CA4: variants seen among roughly 807,000 people sequenced by gnomAD.
CA4 encodes the protein carbonic anhydrase 4.
A neutral mutation model predicts 34.5 loss-of-function variants in CA4; 24 were observed. The observed-to-expected ratio is 0.70, with a 90% CI of 0.50 to 0.98. The LOEUF (loss-of-function observed/expected upper bound fraction) is 0.98, where lower values mean the gene tolerates loss of function less well. Ranked by LOEUF, CA4 falls within the 50% of genes least tolerant of loss-of-function variation. The pLI is 0.00. For missense variants in CA4, 394 were observed against 396.7 expected (o/e 0.99, Z 0.06); for synonymous variants, 178 against 170.6 (o/e 1.04, Z -0.34).
At chr17:60,168,796 C>T (rs1225786504) in intron 5 of CA4, among the ~76,000 whole-genome samples, 2 of 152,138 alleles carry the variant, frequency 1.3e-5, no homozygotes, top group African/African-American at 4.8e-5. Flanking sequence ...TTGAAGAGCA[C>T]ACTTGAGATA....
At chr17:60,152,054 G>A (rs117035168) in intron 1 of CA4, among the ~76,000 whole-genome samples, 1,664 of 152,236 alleles carry the variant, frequency 0.011, 14 homozygotes, top group Non-Finnish European at 0.017. Flanking sequence ...TTGAAATAAG[G>A]GGGAGGGGTG....
At chr17:60,157,903 C>A (rs2083720681) in intron 5 of CA4, 115 bp downstream of exon 5, 1 of 1,522,072 alleles carries the variant, frequency 6.6e-7, no homozygotes, top group South Asian at 1.2e-5. Flanking sequence ...CCAACTTCCG[C>A]CTCTGTTTCT....
chr17:60,163,179 G>A (rs528825090), downstream of CA4, among the ~76,000 whole-genome samples: 2 of 149,614 alleles, frequency 1.3e-5, no homozygotes, highest in South Asian at 2.1e-4. Flanking sequence ...AGGGTCTACA[G>A]GGGGCCCAGA....
At position 60,154,256 on chromosome 17, in the gene CA4, G is replaced by T. The variant is rs183493330; in HGVS notation, c.59-1058G>T. Among the ~76,000 whole-genome samples the T allele has an allele frequency of 2.8e-3, 422 of 150,920 alleles. 2 individuals are homozygous for T. The highest frequency in any genetic ancestry group is 8.4e-3 in the African/African-American group (344 of 40,970). The stretch of plus-strand genomic sequence containing the variant: ...AGGCCATGGGGTGGGTGGGAGGGGT[G>T]GGGGGGAGGGAAGGAGTTGTCGATG... On this transcript the variant is annotated intron_variant, in intron 1 of 7. Transcript: ENST00000300900.
intron 5 of CA4, among the ~76,000 whole-genome samples, chr17:60,167,052 T>C (rs73320955): frequency 0.04 from 6,071 of 152,262 alleles, 449 homozygotes; most frequent in African/African-American, 0.14. Flanking sequence ...AATTGCTACA[T>C]TGTACTGCTT....
intron 1 of CA4, among the ~76,000 whole-genome samples, chr17:60,150,348 C>G (rs1311632252): frequency 6.6e-6 from 1 of 152,114 alleles, no homozygotes; most frequent in Non-Finnish European, 1.5e-5. Context: ...GTGCGCGTGG[C>G]CCGGCGAGAC....
intron 7 of CA4, chr17:60,158,786 T>G: frequency 4.6e-6 from 2 of 431,626 alleles, no homozygotes; most frequent in Non-Finnish European, 4.3e-6. Flanking sequence ...GTTCTCAAAG[T>G]GCGGCCCCTG....
At chr17:60,153,140 C>A (rs1407651646) in intron 1 of CA4, among the ~76,000 whole-genome samples, 1 of 152,060 alleles carries the variant, frequency 6.6e-6, no homozygotes, top group Non-Finnish European at 1.5e-5. Context: ...GAGTTCGAGA[C>A]CAGCCTGGTC....
intron 1 of CA4, among the ~76,000 whole-genome samples, chr17:60,153,859 G>T (rs1390241259): frequency 1.3e-5 from 2 of 152,210 alleles, no homozygotes; most frequent in Non-Finnish European, 2.9e-5. Context: ...GGGCCATCAG[G>T]GGGAGGACAC....
At chr17:60,155,200 T>C in intron 1 of CA4, 114 bp from the exon 2 acceptor site, 1 of 923,098 alleles carries the variant, frequency 1.1e-6, no homozygotes, top group Non-Finnish European at 1.7e-6. Flanking sequence ...GAACACTCCA[T>C]CCCAGCCCAA....
chr17:60,162,723 A>G (rs2083806569), downstream of CA4, among the ~76,000 whole-genome samples: 1 of 151,970 alleles, frequency 6.6e-6, no homozygotes, highest in Admixed American at 6.6e-5. Context: ...TGGGGTGCCC[A>G]TCGTGTTCCA....
the CA4 span, among the ~76,000 whole-genome samples, chr17:60,176,966 G>A: frequency 6.6e-6 from 1 of 152,202 alleles, no homozygotes; most frequent in Non-Finnish European, 1.5e-5. Context: ...AGGTGGTAAT[G>A]GGAGCAAGGG....
At chr17:60,164,144 T>C (rs1414704898), downstream of CA4, among the ~76,000 whole-genome samples, 3 of 147,128 alleles carry the variant, frequency 2.0e-5, no homozygotes, top group Non-Finnish European at 3.0e-5. Context: ...TAATCTTCCT[T>C]CCTCCCTCCC....
chr17:60,169,516 G>A (rs1267736964), intron 5 of CA4, among the ~76,000 whole-genome samples: 14 of 152,100 alleles, frequency 9.2e-5, no homozygotes, highest in Admixed American at 9.2e-4. Flanking sequence ...TTAAGATGGA[G>A]TCTTGCTCTG....
At chr17:60,176,377 T>C in the CA4 span, among the ~76,000 whole-genome samples, 1 of 152,218 alleles carries the variant, frequency 6.6e-6, no homozygotes, top group African/African-American at 2.4e-5. Context: ...AAATAGAAGC[T>C]GAGGGTGAAG....
intron 3 of CA4, 24 bp from the exon 4 acceptor site, chr17:60,157,403 A>G: frequency 6.2e-7 from 1 of 1,613,928 alleles, no homozygotes; most frequent in East Asian, 2.2e-5. Flanking sequence ...TGGTTCGAGG[A>G]CTCTGCCCCT....
At chr17:60,154,476 G>A (rs904513656) in intron 1 of CA4, among the ~76,000 whole-genome samples, 4 of 152,168 alleles carry the variant, frequency 2.6e-5, no homozygotes, top group Admixed American at 6.5e-5. Context: ...TGTTGTGTTC[G>A]CCCTGCTGGT....
chr17:60,157,864 C>A, intron 5 of CA4, 76 bp downstream of exon 5: 1 of 1,527,762 alleles, frequency 6.5e-7, no homozygotes, highest in Non-Finnish European at 9.0e-7. Context: ...ACCTGGGACT[C>A]CAGCGAGGCA....
intron 5 of CA4, 37 bp from the exon 6 acceptor site, chr17:60,158,024 C>A: frequency 6.2e-7 from 1 of 1,610,968 alleles, no homozygotes; most frequent in South Asian, 1.1e-5. Context: ...CACTGGCTCC[C>A]TGCAGACTTT....
Sources: gnomAD v4.1 joint callset for allele counts (sites outside exome capture counted in the v4.1 genomes callset) on GRCh38, gnomAD v4.1.1 for gene constraint, MANE v1.5 for transcripts, NCBI Gene and HGNC (gene_info 2026-07-23, HGNC 2026-07-21) for gene names.